PPP2R3C: variants seen among roughly 807,000 people sequenced by gnomAD.
PPP2R3C encodes serine/threonine-protein phosphatase 2A regulatory subunit B'' subunit gamma.
PPP2R3C carries 47 observed loss-of-function variants against 63.7 expected under a neutral mutation model. That is an observed-to-expected ratio of 0.74 (90% confidence interval 0.58 to 0.94). The LOEUF (loss-of-function observed/expected upper bound fraction) is 0.94. Ranked by LOEUF, PPP2R3C falls within the 40% of genes least tolerant of loss-of-function variation. The pLI is 0.00. For synonymous variants in PPP2R3C, 180 were observed against 177.4 expected, an observed-to-expected ratio of 1.01 and a Z score of -0.12; for missense variants, 421 against 518.4, an observed-to-expected ratio of 0.81 and a Z score of 1.82.
rs922681108 is a variant in PPP2R3C, at chr14:35,091,353, A to T, written c.976-146T>A. 10 of 747,196 alleles carry T rather than the reference A, an allele frequency of 1.3e-5. No homozygotes were observed. The African/African-American group carries it at 1.8e-4, about 14-fold the overall frequency. The allele number at this position is 747,196 out of a possible 1,614,324, so 46.3% of individuals were successfully genotyped here. A position where few individuals can be genotyped will look rare whatever the true frequency, so the allele number is the denominator to read the frequency against. ...TATGATATGAGAAATCCATTTATAT[A>T]CTTAATATTGGTTTCTAGGGAATTT... On this transcript the variant is annotated intron_variant, in intron 10 of 12. Transcript: ENST00000261475.
At chr14:35,092,834 A>G (rs763313263) in intron 10 of PPP2R3C, among the ~76,000 whole-genome samples, 5 of 152,194 alleles carry the variant, frequency 3.3e-5, no homozygotes, top group Non-Finnish European at 7.3e-5. Context: ...ATTTCCAATA[A>G]GAAGCTGTCT....
intron 2 of PPP2R3C, among the ~76,000 whole-genome samples, chr14:35,115,161 CTTTT>C (rs1181816968): frequency 1.4e-5 from 2 of 140,476 alleles, no homozygotes; most frequent in Admixed American, 7.1e-5. Context: ...TTTTTTTTTT[CTTTT>C]TCTTTTTTTT....
chr14:35,089,871 TAGTG>T (rs898376611), intron 11 of PPP2R3C, among the ~76,000 whole-genome samples: 5 of 151,962 alleles, frequency 3.3e-5, no homozygotes, highest in Middle Eastern at 3.4e-3. Context: ...TTCACCATGT[TAGTG>T]AGGATGGTTT....
At chr14:35,099,476 TATATTG>T in intron 6 of PPP2R3C, 92 bp from the exon 7 acceptor site, 2 of 1,352,716 alleles carry the variant, frequency 1.5e-6, no homozygotes, top group Non-Finnish European at 2.0e-6. Context: ...GCATTAATAC[TATATTG>T]ATAAAGAAAT....
In PPP2R3C at chr14:35,093,026, C is replaced by T. The variant is rs370245637; in HGVS notation, c.976-1819G>A. The stretch of plus-strand genomic sequence containing the variant: ...GAGATCGAGACCATACTGGCTAACA[C>T]GGTGAAACTCCGTCTCTACTAAAAA... On this transcript the variant is annotated intron_variant, in intron 10 of 12. Coordinates refer to ENST00000261475, the MANE Select transcript of PPP2R3C (RefSeq NM_017917.4). 1.3e-4 allele frequency among the ~76,000 whole-genome samples: 20 copies of T among 151,742 alleles called. No homozygotes were observed. In the East Asian group the frequency reaches 2.3e-3, roughly 18 times the overall value.
intron 2 of PPP2R3C, among the ~76,000 whole-genome samples, chr14:35,111,513 A>G (rs1475047013): frequency 1.3e-5 from 2 of 152,242 alleles, no homozygotes; most frequent in African/African-American, 4.8e-5. Context: ...TTGTAAAACT[A>G]ATGAAAGGAC....
At chr14:35,099,082 C>A in intron 7 of PPP2R3C, 170 bp downstream of exon 7, 1 of 868,964 alleles carries the variant, frequency 1.2e-6, no homozygotes. Context: ...TAAACATAAC[C>A]AAAGTACTGC....
chr14:35,110,506 C>G lies in PPP2R3C; in HGVS notation c.291+19G>C. ...GAGAAATGGTTAACATCTAAAGCAA[C>G]TTTTTGCTTTGTTCTTACCTGTAAT... On this transcript the variant is annotated intron_variant, in intron 3 of 12. Coordinates refer to ENST00000261475, the MANE Select transcript of PPP2R3C (RefSeq NM_017917.4). 5.3e-6 allele frequency: 8 copies of G among 1,511,812 alleles called. No individual in the cohort carries two copies. Among genetic ancestry groups the G allele is most frequent in the Non-Finnish European group, 7.3e-6 (8 of 1,100,192 alleles). 93.6% of individuals were successfully genotyped at this position (1,511,812 alleles called of 1,614,324 possible).
At chr14:35,111,753 C>T (rs2046567493) in intron 2 of PPP2R3C, among the ~76,000 whole-genome samples, 1 of 152,144 alleles carries the variant, frequency 6.6e-6, no homozygotes, top group South Asian at 2.1e-4. Flanking sequence ...TCTGTGGCCC[C>T]AACCCAGAAG....
chr14:35,096,417 T>C (rs2046001111), intron 9 of PPP2R3C, 141 bp downstream of exon 9: 3 of 796,600 alleles, frequency 3.8e-6, no homozygotes, highest in Admixed American at 2.8e-5. Context: ...AAGTAAATTT[T>C]GGTAATGTAG....
chr14:35,117,026 T>C (rs779956432), intron 1 of PPP2R3C: 2 of 457,394 alleles, frequency 4.4e-6, no homozygotes, highest in South Asian at 3.1e-5. Context: ...CAGAACTCTG[T>C]AGAGTGCTCC....
chr14:35,115,156 T>C (rs1445388673), intron 2 of PPP2R3C, among the ~76,000 whole-genome samples: 1 of 150,784 alleles, frequency 6.6e-6, no homozygotes, highest in Non-Finnish European at 1.5e-5. Flanking sequence ...GGCTTTTTTT[T>C]TTTTCTTTTT....
intron 2 of PPP2R3C, among the ~76,000 whole-genome samples, chr14:35,112,628 C>T (rs922832025): frequency 2.6e-5 from 4 of 152,152 alleles, no homozygotes; most frequent in Admixed American, 6.5e-5. Flanking sequence ...CCTCAGTCAG[C>T]GCCCTTAAAA....
At chr14:35,110,385 G>T in intron 3 of PPP2R3C, 140 bp downstream of exon 3, 1 of 581,922 alleles carries the variant, frequency 1.7e-6, no homozygotes, top group South Asian at 2.2e-5. Context: ...GGCTGCTTCT[G>T]GTGGGAACTG....
chr14:35,112,776 G>C (rs2046604339), intron 2 of PPP2R3C: 1 of 152,172 alleles, frequency 6.6e-6, no homozygotes, highest in Non-Finnish European at 1.5e-5. Context: ...TCTGAAGCCT[G>C]CTAGCTAAAA....
chr14:35,114,782 C>T (rs1566426487), intron 2 of PPP2R3C, among the ~76,000 whole-genome samples: 1 of 152,090 alleles, frequency 6.6e-6, no homozygotes, highest in Non-Finnish European at 1.5e-5. Flanking sequence ...CACCTGAGAT[C>T]AGGAGTACGA....
intron 2 of PPP2R3C, among the ~76,000 whole-genome samples, chr14:35,114,190 A>G (rs558518152): frequency 3.3e-5 from 5 of 152,184 alleles, no homozygotes; most frequent in Non-Finnish European, 5.9e-5. Context: ...AAAAAAATAC[A>G]CAGATACCCA....
At chr14:35,086,952 C>T (rs2045621852) in intron 12 of PPP2R3C, 1 of 151,798 alleles carries the variant, frequency 6.6e-6, no homozygotes, top group Non-Finnish European at 1.5e-5. Flanking sequence ...CGTGTACCAC[C>T]ACACCCGGCT....
At chr14:35,101,658 T>G (rs2046194049) in intron 6 of PPP2R3C, 1 of 152,182 alleles carries the variant, frequency 6.6e-6, no homozygotes, top group South Asian at 2.1e-4. Flanking sequence ...AGGGGAAAAA[T>G]GGCAACTTAG....
Sources: gnomAD v4.1 joint callset for allele counts (sites outside exome capture counted in the v4.1 genomes callset) on GRCh38, gnomAD v4.1.1 for gene constraint, MANE v1.5 for transcripts, NCBI Gene and HGNC (gene_info 2026-07-23, HGNC 2026-07-21) for gene names.